Variants in RBFOX1 observed in about 807,000 individuals in gnomAD.
The protein encoded by RBFOX1 is RNA binding protein fox-1 homolog 1.
RBFOX1 carries 8 observed loss-of-function variants against 57.7 expected under a neutral mutation model. The observed-to-expected ratio is 0.14, with a 90% CI of 0.08 to 0.25. The LOEUF (loss-of-function observed/expected upper bound fraction) is 0.25. Among genes scored for constraint, RBFOX1 ranks in the 10% least tolerant of loss-of-function variants. The pLI, the probability that RBFOX1 is intolerant of heterozygous loss-of-function variation, is 1.00. For synonymous variants in RBFOX1, 326 were observed against 222.4 expected, an observed-to-expected ratio of 1.47 and a Z score of -4.15; for missense variants, 611 against 548.5, an observed-to-expected ratio of 1.11 and a Z score of -1.14.
rs760436761 is a variant in RBFOX1, at chr16:6,509,997, C to T, written c.-63-144606C>T. ...TTGGCCAACCTTAGACAATTGGCCA[C>T]ATGCGATTCAGGGCAGGGGTGGTGT... is the stretch of plus-strand genomic sequence containing the variant. On this transcript the variant is annotated intron_variant, in intron 2 of 15. Coordinates refer to ENST00000550418, the MANE Select transcript of RBFOX1 (RefSeq NM_018723.4). Among the ~76,000 whole-genome samples the T allele has an allele frequency of 5.2e-4, 79 of 152,218 alleles. 3 individuals carry two copies. The highest frequency in any genetic ancestry group is 1.5e-4 in the Non-Finnish European group (10 of 68,016).
chr16:6,584,149 GT>G (rs1306628122), intron 2 of RBFOX1, among the ~76,000 whole-genome samples: 8 of 151,818 alleles, frequency 5.3e-5, no homozygotes, highest in Non-Finnish European at 1.0e-4. Flanking sequence ...TTCCTATTGT[GT>G]GGTAAGCATT....
intron 4 of RBFOX1, among the ~76,000 whole-genome samples, chr16:7,089,368 TA>T (rs1567214867): frequency 2.0e-5 from 3 of 152,116 alleles, no homozygotes; most frequent in Non-Finnish European, 4.4e-5. Context: ...TTGAAGCAAT[TA>T]AAATTTTGAA....
intron 3 of RBFOX1, among the ~76,000 whole-genome samples, chr16:6,948,259 A>G (rs1210419979): frequency 6.6e-6 from 1 of 152,076 alleles, no homozygotes; most frequent in African/African-American, 2.4e-5. Flanking sequence ...TTATGAGACC[A>G]TATCTGAAAG....
At chr16:7,650,931 T>C (rs2064915117) in intron 11 of RBFOX1, among the ~76,000 whole-genome samples, 1 of 152,200 alleles carries the variant, frequency 6.6e-6, no homozygotes, top group Non-Finnish European at 1.5e-5. Flanking sequence ...TATTAGGATT[T>C]ACTCGTGTTC....
chr16:6,096,965 G>A (rs1365521836), intron 1 of RBFOX1, among the ~76,000 whole-genome samples: 3 of 152,014 alleles, frequency 2.0e-5, no homozygotes, highest in Non-Finnish European at 4.4e-5. Context: ...GTTTGGCTGT[G>A]TCCCACCCAA....
intron 5 of RBFOX1, among the ~76,000 whole-genome samples, chr16:7,572,235 C>G (rs902840842): frequency 2.6e-5 from 4 of 152,146 alleles, no homozygotes; most frequent in Admixed American, 2.0e-4. Context: ...TAATTTCACT[C>G]TAAAGCATCC....
chr16:5,271,003 C>G (rs2062991176), intron 1 of RBFOX1: 1 of 301,760 alleles, frequency 3.3e-6, no homozygotes, highest in Non-Finnish European at 6.2e-6. Flanking sequence ...TTGTGAAAAA[C>G]AAACAATAAA....
intron 2 of RBFOX1, among the ~76,000 whole-genome samples, chr16:6,376,320 T>TG (rs397732965): frequency 5.9e-5 from 9 of 151,602 alleles, no homozygotes; most frequent in Non-Finnish European, 1.2e-4. Context: ...TTGTTGTTGT[T>TG]TGCAAGGGCC....
chr16:7,000,344 C>T (rs929225327), intron 3 of RBFOX1, among the ~76,000 whole-genome samples: 9 of 151,994 alleles, frequency 5.9e-5, no homozygotes, highest in East Asian at 1.9e-4. Flanking sequence ...TTAGTCGATA[C>T]ATCTCTCAAG....
chr16:6,864,583 A>C (rs929470019), intron 3 of RBFOX1, among the ~76,000 whole-genome samples: 7 of 151,510 alleles, frequency 4.6e-5, no homozygotes, highest in African/African-American at 1.7e-4. Context: ...CTAATACATC[A>C]AAACAGGCTG....
intron 1 of RBFOX1, among the ~76,000 whole-genome samples, chr16:6,237,571 G>A (rs1056017043): frequency 1.2e-4 from 18 of 151,904 alleles, no homozygotes; most frequent in African/African-American, 2.9e-4. Context: ...GTGAAACCTC[G>A]TCTTTACTAA....
chr16:6,342,205 C>T (rs186505366), intron 2 of RBFOX1, among the ~76,000 whole-genome samples: 1 of 152,130 alleles, frequency 6.6e-6, no homozygotes. Flanking sequence ...TGGAGGCAAG[C>T]TTGTGTAAGG....
At chr16:6,277,417 G>A (rs951026001) in intron 1 of RBFOX1, among the ~76,000 whole-genome samples, 2 of 134,878 alleles carry the variant, frequency 1.5e-5, no homozygotes, top group Non-Finnish European at 3.0e-5. Context: ...TGATCGCAGC[G>A]CTGCACCCCA....
intron 1 of RBFOX1, among the ~76,000 whole-genome samples, chr16:6,305,152 G>A (rs2079341864): frequency 6.6e-6 from 1 of 152,170 alleles, no homozygotes; most frequent in Non-Finnish European, 1.5e-5. Flanking sequence ...CCTTCCACGG[G>A]TAGTCATAAG....
intron 11 of RBFOX1, among the ~76,000 whole-genome samples, chr16:7,649,985 G>A (rs563096175): frequency 4.6e-5 from 7 of 151,664 alleles, no homozygotes; most frequent in East Asian, 1.9e-4. Flanking sequence ...GAAGAAGAGC[G>A]AGGGGAGAAA....
chr16:5,578,825 C>CCA (rs139917677), intron 2 of RBFOX1, among the ~76,000 whole-genome samples: 44,686 of 128,472 alleles, frequency 0.35, 7,765 homozygotes, highest in Non-Finnish European at 0.38. Context: ...CATGAAACCT[C>CCA]CACACACACA....
At chr16:5,781,192 G>T (rs1413915089) in intron 3 of RBFOX1, among the ~76,000 whole-genome samples, 1 of 152,196 alleles carries the variant, frequency 6.6e-6, no homozygotes, top group Non-Finnish European at 1.5e-5. Context: ...CTTTTCTGAT[G>T]CTTCTTGCCT....
chr16:7,707,722 G>C (rs981917995), intron 14 of RBFOX1, among the ~76,000 whole-genome samples: 1 of 152,118 alleles, frequency 6.6e-6, no homozygotes, highest in Non-Finnish European at 1.5e-5. Context: ...ACTTATGTAG[G>C]CATTAAAAAG....
intron 3 of RBFOX1, among the ~76,000 whole-genome samples, chr16:5,667,863 G>A (rs368139303): frequency 1.3e-5 from 2 of 152,300 alleles, no homozygotes; most frequent in East Asian, 3.9e-4. Context: ...GTGAAGTGGG[G>A]ATGAGCTTAT....
Sources: allele counts gnomAD v4.1 joint callset (sites outside exome capture counted in the v4.1 genomes callset), GRCh38; gene constraint gnomAD v4.1.1; transcripts MANE v1.5; gene names NCBI Gene and HGNC (gene_info 2026-07-23, HGNC 2026-07-21).